The following GPC5 variants were observed in gnomAD, a reference collection of about 807,000 sequenced individuals.
GPC5 encodes the protein glypican 5, also known as glypican-5.
GPC5 carries 47 observed loss-of-function variants against 53.9 expected under a neutral mutation model. That is an observed-to-expected ratio of 0.87 (90% CI 0.69 to 1.11). The LOEUF is 1.11. Ranked by LOEUF, GPC5 falls within the 50% of genes most tolerant of loss-of-function variation. GPC5 has a pLI of 0.00. For missense variants in GPC5, 748 were observed against 713.1 expected (o/e 1.05, Z -0.56); for synonymous variants, 286 against 263.3 (o/e 1.09, Z -0.84).
At chr13:91,782,466 G>A (rs991849803) in intron 5 of GPC5, among the ~76,000 whole-genome samples, 15 of 152,284 alleles carry the variant, frequency 9.9e-5, no homozygotes, top group African/African-American at 3.4e-4. Context: ...GAAAGAGAGA[G>A]AAGAGCAGGA....
intron 2 of GPC5, among the ~76,000 whole-genome samples, chr13:91,590,123 G>A (rs1355963059): frequency 6.6e-6 from 1 of 150,856 alleles, no homozygotes; most frequent in Non-Finnish European, 1.5e-5. Flanking sequence ...TGCGTTATAG[G>A]CATACTTAGA....
At chr13:92,372,142 C>A (rs1398738022) in intron 7 of GPC5, among the ~76,000 whole-genome samples, 1 of 152,120 alleles carries the variant, frequency 6.6e-6, no homozygotes, top group Non-Finnish European at 1.5e-5. Flanking sequence ...TTCAGCCTTG[C>A]GACACTCTAG....
At chr13:92,371,667 G>A (rs760328104) in intron 7 of GPC5, among the ~76,000 whole-genome samples, 5 of 152,172 alleles carry the variant, frequency 3.3e-5, no homozygotes, top group African/African-American at 7.2e-5. Flanking sequence ...AGTGCTAAGC[G>A]AAGGGGGAAG....
In GPC5 at chr13:92,509,172, C is replaced by A. The variant is rs114910311; in HGVS notation, c.1562-357110C>A. ...TAGGCTCTATCATGATTTACCCCTG[C>A]CTCAAACATTACATCCCAGCAACAT... is the stretch of plus-strand genomic sequence containing the variant. On this transcript the variant is annotated intron_variant, in intron 7 of 7. Coordinates refer to ENST00000377067, the MANE Select transcript of GPC5 (RefSeq NM_004466.6). Among the ~76,000 whole-genome samples, 620 of 152,240 alleles carry A rather than the reference C, an allele frequency of 4.1e-3. 4 individuals are homozygous for A. Among genetic ancestry groups the A allele is most frequent in the African/African-American group, 0.014 (579 of 41,534 alleles).
At chr13:92,786,887 G>T (rs756483652) in intron 7 of GPC5, among the ~76,000 whole-genome samples, 2 of 152,102 alleles carry the variant, frequency 1.3e-5, no homozygotes, top group Non-Finnish European at 2.9e-5. Context: ...CAGATACACC[G>T]CATTCCAGCA....
chr13:92,008,756 AT>A (rs2040633721), intron 6 of GPC5, among the ~76,000 whole-genome samples: 1 of 151,726 alleles, frequency 6.6e-6, no homozygotes. Context: ...ACTTCTTGAA[AT>A]TTTTTTCTGC....
chr13:91,805,641 A>T (rs902943553), intron 5 of GPC5, among the ~76,000 whole-genome samples: 1 of 152,236 alleles, frequency 6.6e-6, no homozygotes. Context: ...GAAGTGTTGT[A>T]TTGATTCTCA....
chr13:92,460,808 TAA>T (rs1329580835), intron 7 of GPC5, among the ~76,000 whole-genome samples: 3 of 128,594 alleles, frequency 2.3e-5, no homozygotes, highest in Non-Finnish European at 4.9e-5. Flanking sequence ...GAAAGTAACA[TAA>T]AAAGTGTGCT....
At chr13:92,042,262 T>C (rs2040947683) in intron 6 of GPC5, among the ~76,000 whole-genome samples, 1 of 152,268 alleles carries the variant, frequency 6.6e-6, no homozygotes, top group African/African-American at 2.4e-5. Flanking sequence ...GACTTCTCAG[T>C]AGTCAGAGAA....
intron 7 of GPC5, among the ~76,000 whole-genome samples, chr13:92,584,474 A>G (rs752616015): frequency 8.5e-5 from 13 of 152,206 alleles, no homozygotes; most frequent in Non-Finnish European, 1.9e-4. Flanking sequence ...TAAGCAGCAA[A>G]GCATTCAAGA....
chr13:91,752,905 T>C (rs2037209670), intron 4 of GPC5, among the ~76,000 whole-genome samples: 1 of 152,206 alleles, frequency 6.6e-6, no homozygotes, highest in Non-Finnish European at 1.5e-5. Context: ...AATCTGCATT[T>C]TGGTAAAATC....
chr13:92,398,377 C>A (rs1260726099), intron 7 of GPC5, among the ~76,000 whole-genome samples: 1 of 134,948 alleles, frequency 7.4e-6, no homozygotes, highest in Non-Finnish European at 1.5e-5. Flanking sequence ...TGCAGTGAGC[C>A]GAGATCCCGC....
At chr13:91,434,747 G>A (rs1056156054) in intron 1 of GPC5, among the ~76,000 whole-genome samples, 1 of 152,174 alleles carries the variant, frequency 6.6e-6, no homozygotes, top group Non-Finnish European at 1.5e-5. Context: ...GCTTGATGGA[G>A]ATGGCATTGA....
At chr13:92,826,123 T>C (rs1284925188) in intron 7 of GPC5, among the ~76,000 whole-genome samples, 2 of 152,232 alleles carry the variant, frequency 1.3e-5, no homozygotes, top group East Asian at 3.9e-4. Context: ...GCAAGGCTTG[T>C]GAACATGATG....
At chr13:92,005,502 T>A (rs2040598507) in intron 6 of GPC5, among the ~76,000 whole-genome samples, 1 of 152,192 alleles carries the variant, frequency 6.6e-6, no homozygotes, top group Admixed American at 6.5e-5. Context: ...TAGAAGGGAC[T>A]ATTATCCCTT....
At chr13:92,764,068 G>A (rs1453900817) in intron 7 of GPC5, among the ~76,000 whole-genome samples, 3 of 152,140 alleles carry the variant, frequency 2.0e-5, no homozygotes, top group Non-Finnish European at 4.4e-5. Flanking sequence ...GGTCCTCAGA[G>A]TACCATGTCA....
chr13:91,959,186 A>G (rs551376301), intron 6 of GPC5, among the ~76,000 whole-genome samples: 23 of 152,020 alleles, frequency 1.5e-4, no homozygotes, highest in African/African-American at 4.8e-4. Context: ...TAAAAAAAAG[A>G]CACAAATAAA....
At chr13:91,796,433 G>A (rs1158217681) in intron 5 of GPC5, among the ~76,000 whole-genome samples, 1 of 152,210 alleles carries the variant, frequency 6.6e-6, no homozygotes, top group African/African-American at 2.4e-5. Flanking sequence ...CCAGAAGAGT[G>A]TGCAGTTGCA....
chr13:92,623,458 T>C (rs1884941750), intron 7 of GPC5, among the ~76,000 whole-genome samples: 1 of 152,226 alleles, frequency 6.6e-6, no homozygotes, highest in African/African-American at 2.4e-5. Context: ...CTGCACATGC[T>C]TCACAGCCTT....
Sources: gnomAD v4.1 joint callset for allele counts (sites outside exome capture counted in the v4.1 genomes callset) on GRCh38, gnomAD v4.1.1 for gene constraint, MANE v1.5 for transcripts, NCBI Gene and HGNC (gene_info 2026-07-23, HGNC 2026-07-21) for gene names.